The following ZFYVE9 variants were observed in gnomAD, a reference collection of about 807,000 sequenced individuals.
ZFYVE9 encodes the protein zinc finger FYVE-type containing 9, also known as zinc finger FYVE domain-containing protein 9.
A neutral mutation model predicts 126.7 loss-of-function variants in ZFYVE9; 43 were observed. That is an observed-to-expected ratio of 0.34 (90% CI 0.27 to 0.44). ZFYVE9 has a LOEUF of 0.44. Among genes scored for constraint, ZFYVE9 ranks in the 20% least tolerant of loss-of-function variants. ZFYVE9 has a pLI of 1.00. For synonymous variants in ZFYVE9, 521 were observed against 597.4 expected, an observed-to-expected ratio of 0.87 and a Z score of 1.87; for missense variants, 1,476 against 1,697.0, an observed-to-expected ratio of 0.87 and a Z score of 2.29.
At chr1:52,189,026 C>T (rs960979159) in intron 1 of ZFYVE9, among the ~76,000 whole-genome samples, 2 of 152,040 alleles carry the variant, frequency 1.3e-5, no homozygotes, top group African/African-American at 4.8e-5. Flanking sequence ...CAACCTCTGC[C>T]TCCCAGGTTC....
Position 52,142,377 on chromosome 1 carries a change from C to G in ZFYVE9, c.-169C>G, listed in dbSNP as rs1439073860. 1 of 152,010 alleles carries G rather than the reference C, an allele frequency of 6.6e-6. No individual in the cohort carries two copies. The highest frequency in any genetic ancestry group is 1.5e-5 in the Non-Finnish European group (1 of 68,026). 9.4% of individuals were successfully genotyped at this position (152,010 alleles called of 1,614,324 possible). A position where few individuals can be genotyped will look rare whatever the true frequency, so the allele number is the denominator to read the frequency against. On this transcript the variant is annotated 5_prime_UTR_variant, in exon 1 of 19. Coordinates refer to ENST00000287727, the MANE Select transcript of ZFYVE9 (RefSeq NM_004799.4). The surrounding 1 kb of genome is among the most constrained non-coding windows in gnomAD (Gnocchi z 4.5). ...CTCAGGGACGACCCCCGTGGCCATG[C>G]TGAAGCGGAGGCGGCCGCTGCTCGA...
In ZFYVE9 at chr1:52,339,686, C is replaced by T. The variant is rs116097164; in HGVS notation, c.3834-440C>T. 8.0e-3 allele frequency among the ~76,000 whole-genome samples: 1,215 copies of T among 152,174 alleles called. 16 individuals carry two copies. Among genetic ancestry groups the T allele is most frequent in the African/African-American group, 0.027 (1,119 of 41,512 alleles). The stretch of plus-strand genomic sequence containing the variant: ...CATAGAGGGGAATATATCATATTCC[C>T]TCCCCTTCAGAAGTTCATTTGTAAG... On this transcript the variant is annotated intron_variant, in intron 16 of 18. Coordinates refer to ENST00000287727, the MANE Select transcript of ZFYVE9 (RefSeq NM_004799.4).
At chr1:52,152,983 C>T (rs969012440) in intron 1 of ZFYVE9, among the ~76,000 whole-genome samples, 3 of 152,188 alleles carry the variant, frequency 2.0e-5, no homozygotes, top group African/African-American at 7.2e-5. Flanking sequence ...CTCAGTCAAC[C>T]TAACAGGGAA....
rs1162489722 is a variant in ZFYVE9, at chr1:52,257,638, C to T, written c.2179-6135C>T. Among the ~76,000 whole-genome samples the T allele has an allele frequency of 2.0e-5, 3 of 152,158 alleles. No individual in the cohort carries two copies. In the East Asian group the frequency reaches 5.8e-4, roughly 29 times the overall value. On this transcript the variant is annotated intron_variant, in intron 4 of 18. Transcript: ENST00000287727. ...GTGTTGTTGCAAAAGTTGAATGGCT[C>T]TAGATTATTTTCTGAATTTGGATAT...
chr1:52,199,971 G>A (rs941236045), intron 1 of ZFYVE9, among the ~76,000 whole-genome samples: 6 of 149,174 alleles, frequency 4.0e-5, no homozygotes, highest in African/African-American at 1.5e-4. Flanking sequence ...TTTGCCATCT[G>A]TGTACCTTCT....
At chr1:52,278,079 A>G (rs1165454966) in intron 8 of ZFYVE9, among the ~76,000 whole-genome samples, 1 of 152,204 alleles carries the variant, frequency 6.6e-6, no homozygotes, top group Non-Finnish European at 1.5e-5. Flanking sequence ...TACCCCAACT[A>G]TTTGATATCC....
intron 14 of ZFYVE9, 24 bp downstream of exon 14, chr1:52,332,942 T>G (rs775866109): frequency 8.1e-6 from 13 of 1,613,596 alleles, no homozygotes; most frequent in Non-Finnish European, 1.1e-5. Context: ...CTGGTTGAGA[T>G]TATGATAATG....
At chr1:52,197,020 A>G (rs1644866959) in intron 1 of ZFYVE9, among the ~76,000 whole-genome samples, 2 of 152,188 alleles carry the variant, frequency 1.3e-5, no homozygotes, top group South Asian at 2.1e-4. Context: ...TAGAAGAATC[A>G]CTTGAATAGA....
intron 13 of ZFYVE9, among the ~76,000 whole-genome samples, chr1:52,317,346 C>T (rs1359163207): frequency 6.6e-6 from 1 of 151,510 alleles, no homozygotes; most frequent in East Asian, 1.9e-4. Flanking sequence ...ATGGTGAAAC[C>T]CCACCTCTAC....
intron 13 of ZFYVE9, among the ~76,000 whole-genome samples, chr1:52,321,929 C>T (rs914529138): frequency 6.6e-6 from 1 of 152,204 alleles, no homozygotes; most frequent in South Asian, 2.1e-4. Flanking sequence ...TTATCCAGTT[C>T]TATGGGCTTA....
intron 1 of ZFYVE9, among the ~76,000 whole-genome samples, chr1:52,193,672 A>G (rs112242527): frequency 0.017 from 2,509 of 145,354 alleles, 90 homozygotes; most frequent in African/African-American, 0.064. Context: ...GTGCCACTAC[A>G]CTCAAGTCTG....
In ZFYVE9 at chr1:52,237,791, A is replaced by C. The variant is rs754593761; in HGVS notation, c.374A>C (p.Gln125Pro). The change falls in exon 4 of 19, where the codon CAA (glutamine) becomes CCA (proline). Residue 125 changes from glutamine (Q) to proline (P), a missense_variant. Gln to Pro is a moderately conservative substitution (Grantham distance 76, BLOSUM62 -1). Coordinates refer to ENST00000287727, the MANE Select transcript of ZFYVE9 (RefSeq NM_004799.4). ...LIKRNYSWDD[Q>P]CSAVEVGEKK... ...AAGAGAAACTATAGTTGGGATGATCAATGCAGTGCTGTTGAAGTGGGAGAG... is the reference window on the plus strand; with the variant it reads ...AAGAGAAACTATAGTTGGGATGATCCATGCAGTGCTGTTGAAGTGGGAGAG... The C allele has an allele frequency of 2.5e-6, 4 of 1,614,016 alleles. No homozygotes were observed. Among genetic ancestry groups the C allele is most frequent in the Non-Finnish European group, 3.4e-6 (4 of 1,180,000 alleles).
chr1:52,313,930 G>GTTT lies in ZFYVE9; in HGVS notation c.3438+10005_3438+10006insTTT, dbSNP rs1162972187. On this transcript the variant is annotated intron_variant, in intron 13 of 18. Transcript: ENST00000287727. ...CAGAAATGATCCAAAATGAAACACAGAGAAAAGGCTGAAAAATTAAATAAA... is the reference window on the plus strand; with the variant it reads ...CAGAAATGATCCAAAATGAAACACAGTTTAGAAAAGGCTGAAAAATTAAATAAA... Among the ~76,000 whole-genome samples the GTTT allele has an allele frequency of 2.6e-5, 4 of 152,260 alleles. No individual in the cohort carries two copies. In the East Asian group the frequency reaches 7.7e-4, roughly 29 times the overall value.
intron 5 of ZFYVE9, 73 bp from the exon 6 acceptor site, chr1:52,266,582 T>G: frequency 7.6e-7 from 1 of 1,309,552 alleles, no homozygotes. Flanking sequence ...GCATTATTTA[T>G]CCAATATTGT....
chr1:52,287,474 C>T (rs1645873291), intron 10 of ZFYVE9, among the ~76,000 whole-genome samples: 1 of 151,996 alleles, frequency 6.6e-6, no homozygotes, highest in Non-Finnish European at 1.5e-5. Flanking sequence ...CTCTGAAACT[C>T]ATGTTGAACT....
At chr1:52,251,708 C>G (rs1259870793) in intron 4 of ZFYVE9, among the ~76,000 whole-genome samples, 1 of 152,044 alleles carries the variant, frequency 6.6e-6, no homozygotes, top group African/African-American at 2.4e-5. Flanking sequence ...GCTGGCTTCA[C>G]AGAAGGAGTT....
At position 52,219,748 on chromosome 1, in the gene ZFYVE9, T is replaced by C. The variant is rs532817745; in HGVS notation, c.-37+3274T>C. ...CATAGAGCATTTCAGGCCAAGATCT[T>C]TTGTGTGTGTGTGTGTGTGTGTGTG... is the stretch of plus-strand genomic sequence containing the variant. On this transcript the variant is annotated intron_variant, in intron 2 of 18. Coordinates refer to ENST00000287727, the MANE Select transcript of ZFYVE9 (RefSeq NM_004799.4). 1.4e-4 allele frequency among the ~76,000 whole-genome samples: 19 copies of C among 134,246 alleles called. No individual in the cohort carries two copies. In the South Asian group the frequency reaches 2.0e-3, roughly 14 times the overall value. 88.1% of individuals were successfully genotyped at this position (134,246 alleles called of 152,430 possible).
At chr1:52,227,146 G>C (rs1645177867) in intron 2 of ZFYVE9, among the ~76,000 whole-genome samples, 2 of 152,260 alleles carry the variant, frequency 1.3e-5, no homozygotes. Context: ...TGTAAGGAAA[G>C]GCATGGTGGG....
At chr1:52,220,412 A>T (rs1276574329) in intron 2 of ZFYVE9, among the ~76,000 whole-genome samples, 4 of 152,174 alleles carry the variant, frequency 2.6e-5, no homozygotes, top group Non-Finnish European at 5.9e-5. Flanking sequence ...TATGGCTTCT[A>T]CCCAGTGGGT....
Sources: allele counts gnomAD v4.1 joint callset (sites outside exome capture counted in the v4.1 genomes callset), GRCh38; gene constraint gnomAD v4.1.1; non-coding constraint Gnocchi (gnomAD v3.1); transcripts MANE v1.5; gene names NCBI Gene and HGNC (gene_info 2026-07-23, HGNC 2026-07-21).